BPTF: variants seen among roughly 807,000 people sequenced by gnomAD.
BPTF encodes the protein nucleosome-remodeling factor subunit BPTF.
In BPTF, 18 loss-of-function variants were observed where a neutral mutation model predicts 292.5. The observed-to-expected ratio is 0.06, with a 90% CI of 0.04 to 0.09. The LOEUF is 0.09. BPTF is among the 10% of genes least tolerant of loss of function. The pLI is 1.00. For synonymous variants in BPTF, 1,225 were observed against 1,251.9 expected (o/e 0.98, Z 0.45); for missense variants, 2,726 against 3,498.7 (o/e 0.78, Z 5.57).
chr17:67,892,890 A>G (rs2061215468), intron 5 of BPTF, among the ~76,000 whole-genome samples: 1 of 152,224 alleles, frequency 6.6e-6, no homozygotes, highest in Non-Finnish European at 1.5e-5. Flanking sequence ...GTTGGGATCA[A>G]CTGTTTGAAA....
intron 21 of BPTF, 86 bp downstream of exon 21, chr17:67,946,411 T>C (rs376009178): frequency 7.3e-6 from 11 of 1,516,032 alleles, no homozygotes; most frequent in East Asian, 4.6e-5. Context: ...GTGTTAGGTT[T>C]CCTAAATGAG....
At chr17:67,966,350 C>T (rs2068096384) in intron 25 of BPTF, 1 of 459,180 alleles carries the variant, frequency 2.2e-6, no homozygotes, top group East Asian at 4.1e-5. Context: ...GCTTGTGCTC[C>T]ATTCCCAACA....
intron 1 of BPTF, among the ~76,000 whole-genome samples, chr17:67,840,088 T>A (rs182097279): frequency 6.7e-6 from 1 of 148,968 alleles, no homozygotes; most frequent in African/African-American, 2.5e-5. Context: ...ATACCATTTT[T>A]TATGGAAAAA....
intron 2 of BPTF, among the ~76,000 whole-genome samples, chr17:67,856,537 G>T (rs1245134070): frequency 1.3e-5 from 2 of 152,156 alleles, no homozygotes; most frequent in East Asian, 3.9e-4. Flanking sequence ...TAGCCAGTTG[G>T]AAGCTCTGAG....
At chr17:67,964,728 T>C (rs113907307) in intron 25 of BPTF, among the ~76,000 whole-genome samples, 6,487 of 150,696 alleles carry the variant, frequency 0.043, 170 homozygotes, top group Middle Eastern at 0.078. Flanking sequence ...TGGCCGGGCA[T>C]GGTGGCTCAT....
rs9913627 is a variant in BPTF, at chr17:67,900,127, C to T, written c.2544-3662C>T. 7.5e-3 allele frequency among the ~76,000 whole-genome samples: 1,148 copies of T among 152,094 alleles called. 11 individuals carry two copies. The highest frequency in any genetic ancestry group is 0.025 in the African/African-American group (1,024 of 41,494). On this transcript the variant is annotated intron_variant, in intron 7 of 27. Transcript: ENST00000306378. ...ATGTGTGTGTCTGTGTGTTTTGAGA[C>T]AGAGTCTTGCTGTGTCGCCCAGGCT...
intron 27 of BPTF, among the ~76,000 whole-genome samples, chr17:67,977,429 C>T (rs568292732): frequency 1.3e-5 from 2 of 152,082 alleles, no homozygotes; most frequent in South Asian, 2.1e-4. Context: ...GCATGAGAAT[C>T]GCTTGAACCC....
In BPTF at chr17:67,929,463, T is replaced by C. The variant is rs2064178704; in HGVS notation, c.6126T>C (p.Ser2042=). ...TVTIRPNTSG[S]GGTTSNSQVI... ...CAATTAGGCCCAATACCTCAGGCTC[T>C]GGAGGAACCACAAGCAATTCACAAG... is the stretch of plus-strand genomic sequence containing the variant. Residue 2042 remains serine (S), a synonymous_variant, in exon 17 of 28, where the codon TCT becomes TCC. Transcript: ENST00000306378. The C allele has an allele frequency of 6.2e-7, 1 of 1,614,024 alleles. No individual in the cohort carries two copies. The highest frequency in any genetic ancestry group is 8.5e-7 in the Non-Finnish European group (1 of 1,180,022).
At chr17:67,979,026 T>C (rs1193390311) in intron 27 of BPTF, among the ~76,000 whole-genome samples, 1 of 150,114 alleles carries the variant, frequency 6.7e-6, no homozygotes, top group Non-Finnish European at 1.5e-5. Context: ...ACACAAAAAT[T>C]AGCCAGGCAT....
chr17:67,853,130 T>TATTTAA (rs2058508734), intron 1 of BPTF, among the ~76,000 whole-genome samples: 1 of 152,228 alleles, frequency 6.6e-6, no homozygotes, highest in African/African-American at 2.4e-5. Context: ...CTGTAGGTGA[T>TATTTAA]TAAATGAGAT....
intron 9 of BPTF, among the ~76,000 whole-genome samples, chr17:67,906,231 C>T (rs1207545796): frequency 6.6e-6 from 1 of 151,972 alleles, no homozygotes; most frequent in Admixed American, 6.6e-5. Context: ...AAAGTGCACA[C>T]CACCATGCCC....
At chr17:67,860,823 G>A (rs898500654) in intron 2 of BPTF, among the ~76,000 whole-genome samples, 2 of 152,184 alleles carry the variant, frequency 1.3e-5, no homozygotes, top group Non-Finnish European at 2.9e-5. Context: ...CTCCCAAAGC[G>A]CTAGGATTAC....
At position 67,968,709 on chromosome 17, in the gene BPTF, A is replaced by AC. The variant is rs1329690834; in HGVS notation, c.8539+2056dup. 2.3e-4 allele frequency among the ~76,000 whole-genome samples: 35 copies of AC among 150,534 alleles called. 1 individual carries two copies. Among genetic ancestry groups the AC allele is most frequent in the African/African-American group, 6.7e-4 (27 of 40,394 alleles). On this transcript the variant is annotated intron_variant, in intron 26 of 27. Coordinates refer to ENST00000306378, the MANE Select transcript of BPTF (RefSeq NM_182641.4). ...AGGCTGAGGCAGGAGAATGACGTGA[A>AC]CCCGGGAGGTGGAGCTTGCAGTGAG...
intron 1 of BPTF, among the ~76,000 whole-genome samples, chr17:67,834,338 T>C (rs2056960301): frequency 1.3e-5 from 2 of 152,234 alleles, no homozygotes; most frequent in African/African-American, 4.8e-5. Flanking sequence ...ACCCCAAAAT[T>C]TTGTCAGTCT....
intron 1 of BPTF, among the ~76,000 whole-genome samples, chr17:67,830,704 C>T (rs542380462): frequency 2.0e-5 from 3 of 152,216 alleles, no homozygotes; most frequent in Non-Finnish European, 2.9e-5. Flanking sequence ...TCAAGTAACT[C>T]GGTTTAGCAA....
chr17:67,918,847 G>A lies in BPTF; in HGVS notation c.5428+9G>A, dbSNP rs573800794. The A allele has an allele frequency of 4.3e-6, 7 of 1,611,718 alleles. No individual in the cohort carries two copies. In the East Asian group the frequency reaches 8.9e-5, roughly 21 times the overall value. ...AGGGACTACACGGACAGGTAAGGGGGAAGGGAGTTATTTTCTAATTTAAGT... is the reference window on the plus strand; with the variant it reads ...AGGGACTACACGGACAGGTAAGGGGAAAGGGAGTTATTTTCTAATTTAAGT... On this transcript the variant is annotated intron_variant, in intron 12 of 27. Transcript: ENST00000306378.
In BPTF at chr17:67,854,547, A is replaced by G. The variant is rs1251144773; in HGVS notation, c.1221A>G (p.Thr407=). The change falls in exon 2 of 28, where the codon ACA becomes ACG. Residue 407 remains threonine (T), a synonymous_variant. Coordinates refer to ENST00000306378, the MANE Select transcript of BPTF (RefSeq NM_182641.4). The surrounding 1 kb of genome is among the most constrained non-coding windows in gnomAD (Gnocchi z 5.6). Reference sequence around the variant, plus strand: ...TTGGGGATTTGCTTTGCTGTGAGACATGTTCAGCAGTATACCATTTGGAAT... The same window carrying G: ...TTGGGGATTTGCTTTGCTGTGAGACGTGTTCAGCAGTATACCATTTGGAAT... ...HKLGDLLCCE[T]CSAVYHLECV... is the part of the protein sequence containing the mutation. 4 of 1,614,224 alleles carry G rather than the reference A, an allele frequency of 2.5e-6. No individual in the cohort carries two copies. Among genetic ancestry groups the G allele is most frequent in the Non-Finnish European group, 8.5e-7 (1 of 1,180,040 alleles).
intron 1 of BPTF, among the ~76,000 whole-genome samples, chr17:67,836,392 C>T (rs746744970): frequency 2.8e-4 from 42 of 152,136 alleles, no homozygotes; most frequent in Non-Finnish European, 5.3e-4. Flanking sequence ...CATAGTGCCT[C>T]TTTTGAGGTC....
Position 67,953,985 on chromosome 17 carries a change from T to C in BPTF, c.7927-5556T>C, listed in dbSNP as rs1231221013. 5.9e-5 allele frequency among the ~76,000 whole-genome samples: 4 copies of C among 67,954 alleles called. 1 individual carries two copies. Among genetic ancestry groups the C allele is most frequent in the Admixed American group, 3.4e-4 (2 of 5,898 alleles). The allele number at this position is 67,954 out of a possible 152,430, so 44.6% of individuals were successfully genotyped here. A position where few individuals can be genotyped will look rare whatever the true frequency, so the allele number is the denominator to read the frequency against. On this transcript the variant is annotated intron_variant, in intron 23 of 27. Transcript: ENST00000306378. ...TCTTTTTTTTTTTTTTTTTTTTTTT[T>C]TTTTTTTTTTTTTTTTTGAGAAGCA... is the stretch of plus-strand genomic sequence containing the variant.
Sources: gnomAD v4.1 joint callset for allele counts (sites outside exome capture counted in the v4.1 genomes callset) on GRCh38, gnomAD v4.1.1 for gene constraint, Gnocchi (gnomAD v3.1) non-coding constraint, MANE v1.5 for transcripts, NCBI Gene and HGNC (gene_info 2026-07-23, HGNC 2026-07-21) for gene names.